The following HFM1 variants were observed in gnomAD, a reference collection of about 807,000 sequenced individuals.
HFM1 encodes probable ATP-dependent DNA helicase HFM1.
HFM1 carries 169 observed loss-of-function variants against 192.1 expected under a neutral mutation model. The observed-to-expected ratio is 0.88, with a 90% CI of 0.78 to 1.00. The LOEUF (loss-of-function observed/expected upper bound fraction) is 1.00. Among genes scored for constraint, HFM1 ranks in the 50% least tolerant of loss-of-function variants. The pLI is 0.00. For missense variants in HFM1, 1,661 were observed against 1,668.0 expected (o/e 1.00, Z 0.07); for synonymous variants, 525 against 537.8 (o/e 0.98, Z 0.33).
At chr1:91,276,550 C>T (rs373163819) in intron 32 of HFM1, 78 bp downstream of exon 32, 2 of 624,530 alleles carry the variant, frequency 3.2e-6, no homozygotes, top group Non-Finnish European at 5.5e-6. Context: ...ACTGTGGATA[C>T]CTAATTGACA....
At chr1:91,370,039 A>G (rs1304038305) in intron 13 of HFM1, among the ~76,000 whole-genome samples, 5 of 149,622 alleles carry the variant, frequency 3.3e-5, no homozygotes, top group Admixed American at 3.3e-4. Context: ...AGACTAACCC[A>G]GGAGAAGTTG....
intron 13 of HFM1, among the ~76,000 whole-genome samples, chr1:91,364,633 T>TATATATATA (rs1491502536): frequency 4.0e-5 from 1 of 25,250 alleles, no homozygotes; most frequent in African/African-American, 1.2e-4. Flanking sequence ...TATATATATA[T>TATATATATA]TTTTTTTTTT....
intron 13 of HFM1, among the ~76,000 whole-genome samples, chr1:91,359,305 A>G (rs1338652179): frequency 6.6e-6 from 1 of 152,150 alleles, no homozygotes; most frequent in Non-Finnish European, 1.5e-5. Context: ...AACAAACTTC[A>G]CTGAGCTAAA....
chr1:91,384,432 C>T (rs553087754), intron 6 of HFM1, among the ~76,000 whole-genome samples: 17 of 152,192 alleles, frequency 1.1e-4, no homozygotes, highest in African/African-American at 3.9e-4. Flanking sequence ...CTGGAAATGT[C>T]CAGACATGAA....
In HFM1 at chr1:91,379,198, G is replaced by A. The variant is rs1324492601; in HGVS notation, c.1023C>T (p.Ala341=). Residue 341 remains alanine (A), a synonymous_variant, in exon 9 of 39, where the codon GCC becomes GCT. Coordinates refer to ENST00000370425, the MANE Select transcript of HFM1 (RefSeq NM_001017975.6). ...AGTCATCAAAACGCTGACTGCACAA[G>A]GCTTTTATTGGTGCCACTGTAACAA... is the stretch of plus-strand genomic sequence containing the variant. ...IKIVYMAPIK[A]LCSQRFDDWK... 3.1e-6 allele frequency: 5 copies of A among 1,602,854 alleles called. No homozygotes were observed. The highest frequency in any genetic ancestry group is 3.4e-6 in the Non-Finnish European group (4 of 1,176,180).
chr1:91,368,384 C>T (rs561060911), intron 13 of HFM1, among the ~76,000 whole-genome samples: 1 of 152,204 alleles, frequency 6.6e-6, no homozygotes, highest in Non-Finnish European at 1.5e-5. Flanking sequence ...ACCCAACAGA[C>T]TAACAGCTGA....
At position 91,316,429 on chromosome 1, in the gene HFM1, T is replaced by A. The variant is rs1441332739; in HGVS notation, c.2860A>T (p.Lys954Ter). The A allele has an allele frequency of 6.3e-7, 1 of 1,581,962 alleles. No individual in the cohort carries two copies. Among genetic ancestry groups the A allele is most frequent in the Non-Finnish European group, 8.6e-7 (1 of 1,160,590 alleles). Residue 954 changes from lysine to a stop codon, truncating the protein, a stop_gained, in exon 26 of 39, where the codon AAA becomes TAA. Coordinates refer to ENST00000370425, the MANE Select transcript of HFM1 (RefSeq NM_001017975.6). LOFTEE classifies it high-confidence loss of function. ...CTTGCATCTGTCTCTTCTATTTTTTTAAAGGAAGTCAAACCAGCATTTACG... is the reference window on the plus strand; with the variant it reads ...CTTGCATCTGTCTCTTCTATTTTTTAAAAGGAAGTCAAACCAGCATTTACG... ...AIVNAGLTSF[K>*]KIEETDAREL...
chr1:91,307,847 C>A (rs1173508735), intron 30 of HFM1, among the ~76,000 whole-genome samples: 1 of 152,006 alleles, frequency 6.6e-6, no homozygotes, highest in Non-Finnish European at 1.5e-5. Flanking sequence ...TCTTTCTCTT[C>A]TTTCTCTTCT....
chr1:91,398,280 A>C (rs1663913775), intron 2 of HFM1, among the ~76,000 whole-genome samples: 1 of 152,208 alleles, frequency 6.6e-6, no homozygotes, highest in African/African-American at 2.4e-5. Context: ...TCCAGAGGTG[A>C]CATCATCATC....
Position 91,353,059 on chromosome 1 carries a change from G to T in HFM1, c.1823C>A (p.Pro608Gln). 6.3e-7 allele frequency: 1 copy of T among 1,583,460 alleles called. No individual in the cohort carries two copies. The highest frequency in any genetic ancestry group is 1.1e-5 in the South Asian group (1 of 89,908). ...AAATATGTTTTACTTACAAAGAACTGGTAAATCTCCAACAGTAAAAGCTCC... is the reference window on the plus strand; with the variant it reads ...AAATATGTTTTACTTACAAAGAACTTGTAAATCTCCAACAGTAAAAGCTCC... ...VEGAFTVGDLPVLFTTSTLAM... is the reference protein window; with the variant it reads ...VEGAFTVGDLQVLFTTSTLAM... The change falls in exon 15 of 39, where the codon CCA (proline) becomes CAA (glutamine). Residue 608 changes from proline (P) to glutamine (Q), a missense_variant. Pro to Gln is a moderately conservative substitution (Grantham distance 76). Coordinates refer to ENST00000370425, the MANE Select transcript of HFM1 (RefSeq NM_001017975.6).
chr1:91,316,292 T>C (rs1255199531), intron 26 of HFM1, 99 bp downstream of exon 26: 3 of 1,000,982 alleles, frequency 3.0e-6, no homozygotes, highest in East Asian at 2.5e-5. Flanking sequence ...CAAAAGTAAG[T>C]TGAAATACTT....
chr1:91,280,178 G>A (rs985679476), intron 30 of HFM1, among the ~76,000 whole-genome samples: 1 of 152,128 alleles, frequency 6.6e-6, no homozygotes, highest in African/African-American at 2.4e-5. Context: ...TGTGGTAACA[G>A]GTGAAGCTGT....
intron 11 of HFM1, chr1:91,377,508 T>A (rs1448132799): frequency 1.3e-5 from 2 of 153,006 alleles, no homozygotes; most frequent in Admixed American, 1.3e-4. Flanking sequence ...ATGGAAAGTA[T>A]AATAGTGCAC....
chr1:91,352,497 G>C lies in HFM1; in HGVS notation c.1977+9C>G. ...TTTAAGTATAAAAAGCAAAGTTATT[G>C]TCACTTACTTGAGGTCGACCAGCTC... On this transcript the variant is annotated intron_variant, in intron 16 of 38. Coordinates refer to ENST00000370425, the MANE Select transcript of HFM1 (RefSeq NM_001017975.6). 2 of 1,546,004 alleles carry C rather than the reference G, an allele frequency of 1.3e-6. No homozygotes were observed. Among genetic ancestry groups the C allele is most frequent in the Non-Finnish European group, 1.7e-6 (2 of 1,151,422 alleles).
rs1307320223 is a variant in HFM1 at position 91,313,363 on chromosome 1, G to A, written c.3377C>T (p.Ala1126Val). 2.5e-6 allele frequency: 4 copies of A among 1,570,146 alleles called. No individual in the cohort carries two copies. The highest frequency in any genetic ancestry group is 3.5e-5 in the Admixed American group (2 of 57,264). The change falls in exon 30 of 39, where the codon GCA (alanine) becomes GTA (valine). Residue 1126 changes from alanine to valine, a missense_variant. Physicochemically the swap from Ala to Val is moderately conservative, Grantham distance 64. Transcript: ENST00000370425. ...HSKHSDISTIAGPNKGTTASK... is the reference protein window; with the variant it reads ...HSKHSDISTIVGPNKGTTASK... ...CAGCTATTTACCTTTATTAGGTCCTGCTATTGTAGATATGTCTGAATGTTT... is the reference window on the plus strand; with the variant it reads ...CAGCTATTTACCTTTATTAGGTCCTACTATTGTAGATATGTCTGAATGTTT...
At chr1:91,395,973 C>T (rs12128322) in intron 3 of HFM1, among the ~76,000 whole-genome samples, 6,579 of 151,960 alleles carry the variant, frequency 0.043, 196 homozygotes, top group Middle Eastern at 0.12. Flanking sequence ...CTCAGCCTCC[C>T]GAGTAGCTGG....
chr1:91,299,975 A>C (rs551256120), intron 30 of HFM1, among the ~76,000 whole-genome samples: 1 of 152,132 alleles, frequency 6.6e-6, no homozygotes, highest in Non-Finnish European at 1.5e-5. Flanking sequence ...AAAACCCTTC[A>C]AAAAAATCAA....
intron 13 of HFM1, among the ~76,000 whole-genome samples, chr1:91,359,346 G>A (rs977886603): frequency 6.6e-6 from 1 of 152,090 alleles, no homozygotes; most frequent in Non-Finnish European, 1.5e-5. Context: ...GCAAAAAAAG[G>A]TAAGAACCAT....
intron 25 of HFM1, among the ~76,000 whole-genome samples, chr1:91,318,303 T>C (rs924485129): frequency 1.3e-5 from 2 of 152,202 alleles, no homozygotes; most frequent in African/African-American, 4.8e-5. Context: ...AGGTAGGTCT[T>C]CTTCATAAAC....
Sources: allele counts gnomAD v4.1 joint callset (sites outside exome capture counted in the v4.1 genomes callset), GRCh38; gene constraint gnomAD v4.1.1; transcripts MANE v1.5; gene names NCBI Gene and HGNC (gene_info 2026-07-23, HGNC 2026-07-21).